Variants in ARHGAP28 observed in about 807,000 individuals in gnomAD.
ARHGAP28 encodes rho GTPase-activating protein 28.
ARHGAP28 carries 56 observed loss-of-function variants against 90.7 expected under a neutral mutation model. The ratio of observed to expected loss-of-function variants is 0.62; its 90% CI spans 0.50 to 0.77. The LOEUF is 0.77. Among genes scored for constraint, ARHGAP28 ranks in the 30% least tolerant of loss-of-function variants. The pLI, the probability that ARHGAP28 is intolerant of heterozygous loss-of-function variation, is 0.00. For synonymous variants in ARHGAP28, 308 were observed against 323.3 expected, an observed-to-expected ratio of 0.95 and a Z score of 0.51; for missense variants, 869 against 900.9, an observed-to-expected ratio of 0.96 and a Z score of 0.45.
At chr18:6,813,113 A>T (rs1441255981) in intron 1 of ARHGAP28, among the ~76,000 whole-genome samples, 1 of 152,218 alleles carries the variant, frequency 6.6e-6, no homozygotes, top group African/African-American at 2.4e-5. Flanking sequence ...CTTGGCTATG[A>T]TACTTTGGAA....
intron 5 of ARHGAP28, among the ~76,000 whole-genome samples, chr18:6,862,789 G>C (rs1244809470): frequency 6.6e-6 from 1 of 152,154 alleles, no homozygotes; most frequent in Non-Finnish European, 1.5e-5. Flanking sequence ...TCCCATTGAG[G>C]AATAATAATT....
intron 11 of ARHGAP28, among the ~76,000 whole-genome samples, chr18:6,885,850 C>T (rs1231009707): frequency 6.8e-6 from 1 of 147,176 alleles, no homozygotes; most frequent in Non-Finnish European, 1.5e-5. Context: ...CAGTCCTCAG[C>T]CTGCAGTTTA....
chr18:6,794,281 TACA>T (rs1360651796), intron 1 of ARHGAP28, among the ~76,000 whole-genome samples: 9 of 152,256 alleles, frequency 5.9e-5, no homozygotes, highest in Admixed American at 2.6e-4. Flanking sequence ...TCTGTCATAA[TACA>T]ACAAGTAAAT....
intron 1 of ARHGAP28, among the ~76,000 whole-genome samples, chr18:6,776,819 G>A (rs1320555890): frequency 2.0e-5 from 3 of 152,146 alleles, no homozygotes; most frequent in Admixed American, 1.3e-4. Flanking sequence ...TTTCTTAACC[G>A]CTATAATATC....
At chr18:6,883,350 TGCCTCA>T (rs2057194953) in intron 11 of ARHGAP28, among the ~76,000 whole-genome samples, 1 of 151,990 alleles carries the variant, frequency 6.6e-6, no homozygotes. Context: ...GCGATTCTCC[TGCCTCA>T]GCCTCCTGAG....
intron 14 of ARHGAP28, among the ~76,000 whole-genome samples, chr18:6,893,898 G>A (rs763502303): frequency 3.6e-4 from 40 of 112,258 alleles, no homozygotes; most frequent in Non-Finnish European, 5.6e-4. Flanking sequence ...ATAGAGTCTT[G>A]CTCTGTCACC....
chr18:6,846,483 TGTAGTCAGTG>T (rs1600241619), intron 3 of ARHGAP28, among the ~76,000 whole-genome samples: 8 of 152,134 alleles, frequency 5.3e-5, no homozygotes, highest in Admixed American at 2.0e-4. Context: ...GGACGTGGAG[TGTAGTCAGTG>T]GGTGCTGTGA....
chr18:6,873,354 C>A, intron 7 of ARHGAP28, 55 bp from the exon 8 acceptor site: 2 of 1,488,508 alleles, frequency 1.3e-6, no homozygotes, highest in Non-Finnish European at 9.2e-7. Context: ...TTTGAGTGAA[C>A]GCATAATAAT....
Position 6,873,450 on chromosome 18 carries a change from AGG to A in ARHGAP28, c.997_998del (p.Gly333ArgfsTer5), listed in dbSNP as rs2057105466. ...QKTRFGLTEA[G>X]DLSAEDMKKI... ...AAACCAGATTTGGCTTAACTGAAGC[AGG>A]AGATCTGTCTGCTGAAGACATGAAG... On this transcript the variant is annotated frameshift_variant, in exon 8 of 18. Transcript: ENST00000383472. LOFTEE classifies it high-confidence loss of function. The A allele has an allele frequency of 6.2e-7, 1 of 1,613,094 alleles. No homozygotes were observed. The highest frequency in any genetic ancestry group is 8.5e-7 in the Non-Finnish European group (1 of 1,179,846).
At chr18:6,852,567 T>A (rs948583443) in intron 4 of ARHGAP28, among the ~76,000 whole-genome samples, 59 of 152,252 alleles carry the variant, frequency 3.9e-4, no homozygotes, top group Non-Finnish European at 1.3e-4. Context: ...CTTTTTTAAA[T>A]CACAAAACTA....
chr18:6,901,670 T>C (rs1205771136), intron 16 of ARHGAP28, among the ~76,000 whole-genome samples: 1 of 152,104 alleles, frequency 6.6e-6, no homozygotes, highest in Non-Finnish European at 1.5e-5. Flanking sequence ...GTCTGAGCAG[T>C]ACTCCTTGAA....
intron 11 of ARHGAP28, among the ~76,000 whole-genome samples, chr18:6,883,397 C>T (rs908175003): frequency 2.2e-4 from 33 of 152,076 alleles, no homozygotes; most frequent in African/African-American, 7.7e-4. Context: ...CGCCACCACA[C>T]CTGTCTGATT....
intron 5 of ARHGAP28, among the ~76,000 whole-genome samples, chr18:6,867,883 A>G (rs758817909): frequency 6.6e-5 from 10 of 152,186 alleles, no homozygotes; most frequent in Non-Finnish European, 1.2e-4. Flanking sequence ...CATCTTAGCA[A>G]AGGTATAAGC....
chr18:6,814,456 G>A (rs558217984), intron 1 of ARHGAP28, among the ~76,000 whole-genome samples: 2 of 152,236 alleles, frequency 1.3e-5, no homozygotes, highest in South Asian at 4.1e-4. Context: ...AGCAATACGA[G>A]GATACAATCA....
intron 1 of ARHGAP28, among the ~76,000 whole-genome samples, chr18:6,768,182 T>G (rs1221164660): frequency 1.3e-5 from 2 of 152,220 alleles, no homozygotes; most frequent in Non-Finnish European, 2.9e-5. Flanking sequence ...CTCTTATTTT[T>G]CTTTTTAAGT....
At chr18:6,871,132 C>T (rs2057085335) in intron 7 of ARHGAP28, among the ~76,000 whole-genome samples, 1 of 152,142 alleles carries the variant, frequency 6.6e-6, no homozygotes, top group African/African-American at 2.4e-5. Context: ...TGTGTGTGTG[C>T]ACGGGGATTT....
At chr18:6,797,234 C>T (rs1280862803) in intron 1 of ARHGAP28, among the ~76,000 whole-genome samples, 1 of 152,172 alleles carries the variant, frequency 6.6e-6, no homozygotes, top group Admixed American at 6.5e-5. Flanking sequence ...AGTAACTCCC[C>T]ACCTGAAGCA....
intron 5 of ARHGAP28, among the ~76,000 whole-genome samples, chr18:6,866,259 C>A (rs905325757): frequency 2.0e-5 from 3 of 152,166 alleles, no homozygotes; most frequent in African/African-American, 7.2e-5. Context: ...TTTGACGTGG[C>A]TTTCAAAACC....
chr18:6,731,985 G>A (rs1037883221), intron 1 of ARHGAP28, among the ~76,000 whole-genome samples: 12 of 152,014 alleles, frequency 7.9e-5, no homozygotes, highest in Admixed American at 1.3e-4. Flanking sequence ...CCTAGAAAGC[G>A]TGGACTTTTG....
Sources: gnomAD v4.1 joint callset for allele counts (sites outside exome capture counted in the v4.1 genomes callset) on GRCh38, gnomAD v4.1.1 for gene constraint, MANE v1.5 for transcripts, NCBI Gene and HGNC (gene_info 2026-07-23, HGNC 2026-07-21) for gene names.